Variants in KAZN observed in about 807,000 individuals in gnomAD.
KAZN encodes the protein kazrin, periplakin interacting protein, also known as kazrin.
KAZN carries 40 observed loss-of-function variants against 87.4 expected under a neutral mutation model. The ratio of observed to expected loss-of-function variants is 0.46; its 90% confidence interval spans 0.36 to 0.60. The LOEUF is 0.60. Ranked by LOEUF, KAZN falls within the 20% of genes least tolerant of loss-of-function variation. The pLI, the probability that KAZN is intolerant of heterozygous loss-of-function variation, is 0.00. For synonymous variants in KAZN, 466 were observed against 458.3 expected (o/e 1.02, Z -0.22); for missense variants, 898 against 1,073.9 (o/e 0.84, Z 2.29).
intron 2 of KAZN, among the ~76,000 whole-genome samples, chr1:14,565,156 T>A (rs1674483156): frequency 6.6e-6 from 1 of 152,206 alleles, no homozygotes; most frequent in African/African-American, 2.4e-5. Flanking sequence ...AATTGTAGCA[T>A]CCTTTCCTCT....
At chr1:13,971,241 G>A (rs773810553) in intron 1 of KAZN, among the ~76,000 whole-genome samples, 2 of 152,182 alleles carry the variant, frequency 1.3e-5, no homozygotes, top group Non-Finnish European at 2.9e-5. Flanking sequence ...AAACCTAATT[G>A]TAAAAGAGAG....
At chr1:13,970,991 A>G (rs1385668045) in intron 1 of KAZN, among the ~76,000 whole-genome samples, 1 of 152,194 alleles carries the variant, frequency 6.6e-6, no homozygotes, top group Non-Finnish European at 1.5e-5. Context: ...TACTGCCCCA[A>G]ACCACCCAAA....
chr1:14,536,199 T>C (rs1201595483), intron 2 of KAZN, among the ~76,000 whole-genome samples: 3 of 152,222 alleles, frequency 2.0e-5, no homozygotes, highest in Non-Finnish European at 2.9e-5. Flanking sequence ...ACTTCTGGTC[T>C]TCCTGGTTTA....
At chr1:14,008,628 A>T (rs1243744584) in intron 1 of KAZN, among the ~76,000 whole-genome samples, 1 of 152,236 alleles carries the variant, frequency 6.6e-6, no homozygotes, top group Non-Finnish European at 1.5e-5. Flanking sequence ...CACACACATA[A>T]AATCAGATGA....
chr1:14,327,017 G>A (rs1470473990), intron 2 of KAZN, among the ~76,000 whole-genome samples: 1 of 152,136 alleles, frequency 6.6e-6, no homozygotes, highest in Non-Finnish European at 1.5e-5. Flanking sequence ...CAAGCTCTTT[G>A]CCTGTTTGAT....
chr1:15,026,934 G>A (rs893911235), intron 2 of KAZN, among the ~76,000 whole-genome samples: 12 of 152,002 alleles, frequency 7.9e-5, no homozygotes, highest in East Asian at 1.9e-4. Flanking sequence ...CTTGAGCATC[G>A]GTGGATTTTG....
chr1:14,114,281 G>C (rs1003544912), intron 1 of KAZN, among the ~76,000 whole-genome samples: 2 of 152,132 alleles, frequency 1.3e-5, no homozygotes, highest in African/African-American at 4.8e-5. Flanking sequence ...TGCTGCGTGG[G>C]GGGCCGGCAT....
intron 1 of KAZN, among the ~76,000 whole-genome samples, chr1:14,681,876 A>G (rs896185464): frequency 7.3e-5 from 11 of 150,698 alleles, no homozygotes; most frequent in Non-Finnish European, 1.6e-4. Flanking sequence ...TATTTTTAGT[A>G]GAGACAGGAT....
rs2100572528 is a variant in KAZN, at chr1:15,066,795, T to C, written c.1222+1042T>C. On this transcript the variant is annotated intron_variant, in intron 8 of 14. Coordinates refer to ENST00000376030, the MANE Select transcript of KAZN (RefSeq NM_201628.3). The surrounding 1 kb of genome is among the most constrained non-coding windows in gnomAD (Gnocchi z 4.3). The stretch of plus-strand genomic sequence containing the variant: ...ATTGGATTTCAAAGCTTGCTTTTTC[T>C]GTTGGTTCTTCTCTCTCCTTCTCTC... The C allele has an allele frequency of 1.0e-6, 1 of 985,540 alleles. No individual in the cohort carries two copies. Among genetic ancestry groups the C allele is most frequent in the Non-Finnish European group, 1.2e-6 (1 of 830,004 alleles). 61.0% of individuals were successfully genotyped at this position (985,540 alleles called of 1,614,324 possible).
At chr1:14,642,792 C>T (rs2148678444) in intron 1 of KAZN, among the ~76,000 whole-genome samples, 1 of 151,862 alleles carries the variant, frequency 6.6e-6, no homozygotes, top group Non-Finnish European at 1.5e-5. Context: ...CACTGTATCC[C>T]CTGAAAAAGA....
At chr1:14,444,473 C>T (rs571964402) in intron 2 of KAZN, among the ~76,000 whole-genome samples, 7 of 151,998 alleles carry the variant, frequency 4.6e-5, no homozygotes, top group South Asian at 2.1e-4. Flanking sequence ...CCACCTTGCC[C>T]GGCTAATTTT....
At chr1:14,554,015 G>A (rs1027417354) in intron 2 of KAZN, among the ~76,000 whole-genome samples, 8 of 152,180 alleles carry the variant, frequency 5.3e-5, no homozygotes, top group Non-Finnish European at 1.2e-4. Flanking sequence ...AGAGAATGTA[G>A]AAGAGTAATT....
intron 1 of KAZN, among the ~76,000 whole-genome samples, chr1:14,691,134 T>G (rs1451285688): frequency 6.6e-6 from 1 of 152,240 alleles, no homozygotes; most frequent in Non-Finnish European, 1.5e-5. Context: ...GTTAAATTTT[T>G]TAAAGCTTTG....
At chr1:14,600,433 C>A (rs1453723237) in intron 1 of KAZN, among the ~76,000 whole-genome samples, 2 of 152,106 alleles carry the variant, frequency 1.3e-5, no homozygotes, top group Non-Finnish European at 2.9e-5. Context: ...AGATGTGAAG[C>A]CTGCCCACGT....
Position 14,109,910 on chromosome 1 carries a change from A to AT in KAZN, c.92-70518dup, listed in dbSNP as rs547868520. On this transcript the variant is annotated intron_variant, in intron 1 of 16. Coordinates refer to the KAZN transcript ENST00000636203. ...AAATCTGTTCTAAAAGGATGGAGGCATTTTTTTCCCCTACCATTTCTCTAT... is the reference window on the plus strand; with the variant it reads ...AAATCTGTTCTAAAAGGATGGAGGCATTTTTTTTCCCCTACCATTTCTCTAT... Among the ~76,000 whole-genome samples the AT allele has an allele frequency of 2.9e-5, 3 of 102,434 alleles. 1 individual carries two copies. The highest frequency in any genetic ancestry group is 8.0e-5 in the African/African-American group (2 of 24,994). 67.2% of individuals were successfully genotyped at this position (102,434 alleles called of 152,430 possible).
intron 2 of KAZN, among the ~76,000 whole-genome samples, chr1:14,320,604 G>T (rs16853928): frequency 0.027 from 4,156 of 152,104 alleles, 200 homozygotes; most frequent in African/African-American, 0.094. Context: ...AAAGGGGGAC[G>T]TCAGCCATAA....
intron 1 of KAZN, among the ~76,000 whole-genome samples, chr1:14,076,867 G>A (rs573096201): frequency 3.3e-5 from 5 of 152,308 alleles, no homozygotes; most frequent in South Asian, 2.1e-4. Context: ...ACTAGGTTCT[G>A]TAGAATCAGC....
intron 1 of KAZN, among the ~76,000 whole-genome samples, chr1:14,674,350 T>G (rs1228186971): frequency 6.6e-6 from 1 of 152,248 alleles, no homozygotes; most frequent in Non-Finnish European, 1.5e-5. Flanking sequence ...AAAAGAACCA[T>G]GAACCAGCTC....
chr1:14,030,187 T>G (rs1641256470), intron 1 of KAZN, among the ~76,000 whole-genome samples: 10 of 151,118 alleles, frequency 6.6e-5, no homozygotes, highest in Admixed American at 6.6e-4. Flanking sequence ...AAGAGGTCCT[T>G]CACATCCCTT....
Sources: gnomAD v4.1 joint callset for allele counts (sites outside exome capture counted in the v4.1 genomes callset) on GRCh38, gnomAD v4.1.1 for gene constraint, Gnocchi (gnomAD v3.1) non-coding constraint, MANE v1.5 for transcripts, NCBI Gene and HGNC (gene_info 2026-07-23, HGNC 2026-07-21) for gene names.